The following SLC26A3 variants were observed in gnomAD, a reference collection of about 807,000 sequenced individuals.
The protein encoded by SLC26A3 is chloride anion exchanger.
A neutral mutation model predicts 85.6 loss-of-function variants in SLC26A3; 64 were observed. The observed-to-expected ratio is 0.75, with a 90% confidence interval of 0.61 to 0.92. SLC26A3 has a LOEUF of 0.92. Among genes scored for constraint, SLC26A3 ranks in the 40% least tolerant of loss-of-function variants. The pLI, the probability that SLC26A3 is intolerant of heterozygous loss-of-function variation, is 0.00. For synonymous variants in SLC26A3, 349 were observed against 336.0 expected (o/e 1.04, Z -0.42); for missense variants, 922 against 927.3 (o/e 0.99, Z 0.07).
chr7:107,765,695 G>T lies in SLC26A3; in HGVS notation c.*160C>A, dbSNP rs1793900865. ...ACTTATATAATTTCATACTAGATAT[G>T]TGAAAAATATGCCATGCTAGAACCA... On this transcript the variant is annotated 3_prime_UTR_variant, in exon 21 of 21. Transcript: ENST00000340010. The T allele has an allele frequency of 1.8e-6, 1 of 567,968 alleles. No homozygotes were observed. Among genetic ancestry groups the T allele is most frequent in the South Asian group, 2.5e-5 (1 of 40,182 alleles). 35.2% of individuals were successfully genotyped at this position (567,968 alleles called of 1,614,324 possible).
At chr7:107,778,338 G>A (rs1183382185) in intron 12 of SLC26A3, 57 bp from the exon 13 acceptor site, 26 of 989,446 alleles carry the variant, frequency 2.6e-5, no homozygotes, top group East Asian at 1.5e-4. Context: ...GTACAATGTC[G>A]AGACGGGGTC....
At chr7:107,780,691 G>T (rs922520636) in intron 11 of SLC26A3, among the ~76,000 whole-genome samples, 1 of 152,078 alleles carries the variant, frequency 6.6e-6, no homozygotes, top group Admixed American at 6.6e-5. Context: ...ATTTTCACAG[G>T]TAATCCTTAT....
rs770812206 is a variant in SLC26A3, at chr7:107,786,845, A to G, written c.953T>C (p.Val318Ala). The G allele has an allele frequency of 6.2e-7, 1 of 1,613,238 alleles. No homozygotes were observed. Among genetic ancestry groups the G allele is most frequent in the Non-Finnish European group, 8.5e-7 (1 of 1,179,874 alleles). The change falls in exon 8 of 21, where the codon GTT becomes GCT. Residue 318 changes from valine to alanine, a missense_variant. By Grantham distance (64) the Val-to-Ala change is moderately conservative. Coordinates refer to ENST00000340010, the MANE Select transcript of SLC26A3 (RefSeq NM_000111.3). ...CACTTACCCAGGATTCATGTCCCCA[A>G]CCACAGCCACTTTAAACCTGTTTTT... The part of the protein sequence containing the change: ...DFKNRFKVAV[V>A]GDMNPGFQPP...
rs757177714 is a variant in SLC26A3 at position 107,774,780 on chromosome 7, T to G, written c.1770A>C (p.Thr590=). 2 of 1,610,814 alleles carry G rather than the reference T, an allele frequency of 1.2e-6. No individual in the cohort carries two copies. The highest frequency in any genetic ancestry group is 1.7e-6 in the Non-Finnish European group (2 of 1,177,090). ...KLQKQGLLQV[T]PKGFICTVDT... ...GAAATGTGGTCAAGGAACTTACTGG[T>G]GTCACTTGTAGCAAGCCTTGCTTCT... The change falls in exon 16 of 21, where the codon ACA becomes ACC. Residue 590 remains threonine (T), a synonymous_variant. Transcript: ENST00000340010.
chr7:107,792,787 C>T (rs533426506), intron 3 of SLC26A3, among the ~76,000 whole-genome samples: 1 of 152,238 alleles, frequency 6.6e-6, no homozygotes, highest in Admixed American at 6.5e-5. Context: ...AGGATACTAT[C>T]AAGAAAGTTA....
At chr7:107,780,936 T>C (rs143849346) in intron 11 of SLC26A3, among the ~76,000 whole-genome samples, 105 of 152,322 alleles carry the variant, frequency 6.9e-4, no homozygotes, top group African/African-American at 2.4e-3. Flanking sequence ...GGCAAAGAAG[T>C]CAGAGGACTG....
At chr7:107,782,460 T>C (rs1794228398) in intron 11 of SLC26A3, among the ~76,000 whole-genome samples, 1 of 152,170 alleles carries the variant, frequency 6.6e-6, no homozygotes, top group African/African-American at 2.4e-5. Flanking sequence ...GAGGGCCTGA[T>C]TACCTTAACC....
chr7:107,775,390 TTAG>T (rs1327686853), intron 15 of SLC26A3, among the ~76,000 whole-genome samples: 6 of 152,086 alleles, frequency 3.9e-5, no homozygotes, highest in Admixed American at 6.6e-5. Context: ...GCTGTAATAT[TTAG>T]TTACAGATAA....
chr7:107,778,360 C>CT (rs10681903), intron 12 of SLC26A3, 79 bp from the exon 13 acceptor site: 18,575 of 460,580 alleles, frequency 0.04, 141 homozygotes, highest in African/African-American at 0.06. Flanking sequence ...TTTAAAAAGA[C>CT]TTTTTTTTTT....
intron 2 of SLC26A3, 142 bp downstream of exon 2, chr7:107,794,237 G>T: frequency 1.1e-6 from 1 of 941,190 alleles, no homozygotes; most frequent in Non-Finnish European, 1.7e-6. Context: ...CTCTGTCAGG[G>T]AGTAGGAGGT....
In SLC26A3 at chr7:107,797,975, T is replaced by A. The variant is rs1447479357; in HGVS notation, c.-88-3378A>T. ...TGTAAAAGCCTTTTCATGTTCTATC[T>A]TCATGGATCTCTGAGTTCCTTAGGG... is the stretch of plus-strand genomic sequence containing the variant. On this transcript the variant is annotated intron_variant, in intron 1 of 20. Transcript: ENST00000340010. Among the ~76,000 whole-genome samples the A allele has an allele frequency of 2.6e-5, 4 of 152,278 alleles. No homozygotes were observed. The East Asian group carries it at 7.7e-4, about 29-fold the overall frequency.
chr7:107,789,710 T>G (rs763898494), intron 5 of SLC26A3, 22 bp from the exon 6 acceptor site: 1 of 1,608,070 alleles, frequency 6.2e-7, no homozygotes, highest in Non-Finnish European at 8.5e-7. Flanking sequence ...ACAAAAGCCT[T>G]TGTCAGCATA....
Position 107,782,884 on chromosome 7 carries a change from TA to T in SLC26A3, c.1234-11del. 6.2e-7 allele frequency: 1 copy of T among 1,614,020 alleles called. No individual in the cohort carries two copies. The highest frequency in any genetic ancestry group is 8.5e-7 in the Non-Finnish European group (1 of 1,179,958). On this transcript the variant is annotated splice_polypyrimidine_tract_variant and intron_variant, in intron 10 of 20. Coordinates refer to ENST00000340010, the MANE Select transcript of SLC26A3 (RefSeq NM_000111.3). The stretch of plus-strand genomic sequence containing the variant: ...CAATAAGCCCAGCAATCTGTGAGGA[TA>T]AAAAAATTATCATCACCAACTCAAC...
chr7:107,778,283 T>A lies in SLC26A3; in HGVS notation c.1408-2A>T. 1 of 1,596,098 alleles carries A rather than the reference T, an allele frequency of 6.3e-7. No homozygotes were observed. The highest frequency in any genetic ancestry group is 8.6e-7 in the Non-Finnish European group (1 of 1,166,700). On this transcript the variant is annotated splice_acceptor_variant, in intron 12 of 20. Coordinates refer to ENST00000340010, the MANE Select transcript of SLC26A3 (RefSeq NM_000111.3). LOFTEE classifies it high-confidence loss of function. ...GATGAAGGTCATGATCCAAATTAAC[T>A]GTGAAAAGAAAGCAACACATACACT...
rs1793934823 is a variant in SLC26A3 at position 107,767,567 on chromosome 7, G to A, written c.2271+12C>T. 2 of 1,589,458 alleles carry A rather than the reference G, an allele frequency of 1.3e-6. No homozygotes were observed. The highest frequency in any genetic ancestry group is 2.2e-5 in the South Asian group (2 of 90,544). The stretch of plus-strand genomic sequence containing the variant: ...ATGTCTAGGTGAAGATAAACCTGTT[G>A]AAGAATCTTACCTCATATACCCGAT... On this transcript the variant is annotated intron_variant, in intron 20 of 20. Coordinates refer to ENST00000340010, the MANE Select transcript of SLC26A3 (RefSeq NM_000111.3).
At chr7:107,787,247 T>C (rs1330930916) in intron 7 of SLC26A3, 110 bp downstream of exon 7, 1 of 1,065,038 alleles carries the variant, frequency 9.4e-7, no homozygotes, top group African/African-American at 1.6e-5. Context: ...GCCCGAAAAC[T>C]GCAGAGATGG....
At chr7:107,793,946 T>A in intron 2 of SLC26A3, 65 bp from the exon 3 acceptor site, 1 of 1,602,216 alleles carries the variant, frequency 6.2e-7, no homozygotes, top group Admixed American at 1.7e-5. Context: ...TACCTGTCGG[T>A]GGGAAATTGG....
intron 2 of SLC26A3, 44 bp from the exon 3 acceptor site, chr7:107,793,925 T>C (rs200527298): frequency 5.6e-4 from 902 of 1,613,652 alleles, no homozygotes; most frequent in Admixed American, 1.2e-3. Flanking sequence ...AATATCAAAT[T>C]TTAAGTTTAG....
At chr7:107,802,690 C>T (rs1326249798) in intron 1 of SLC26A3, among the ~76,000 whole-genome samples, 1 of 150,822 alleles carries the variant, frequency 6.6e-6, no homozygotes, top group African/African-American at 2.4e-5. Flanking sequence ...CTTTCTGAAT[C>T]CTTTCTAGTA....
Sources: gnomAD v4.1 joint callset for allele counts (sites outside exome capture counted in the v4.1 genomes callset) on GRCh38, gnomAD v4.1.1 for gene constraint, MANE v1.5 for transcripts, NCBI Gene and HGNC (gene_info 2026-07-23, HGNC 2026-07-21) for gene names.